The following FHL2 variants were observed in gnomAD, a reference collection of about 807,000 sequenced individuals.
The protein encoded by FHL2 is four and a half LIM domains 2, also known as four and a half LIM domains protein 2.
A neutral mutation model predicts 32.7 loss-of-function variants in FHL2; 20 were observed. The ratio of observed to expected loss-of-function variants is 0.61; its 90% CI spans 0.43 to 0.89. FHL2 has a LOEUF of 0.89. FHL2 is among the 40% of genes least tolerant of loss of function. The probability of loss-of-function intolerance (pLI) is 0.00; values close to 1 mark genes in which losing one functional copy is unlikely to be tolerated. For missense variants in FHL2, 311 were observed against 358.6 expected, an observed-to-expected ratio of 0.87 and a Z score of 1.07; for synonymous variants, 123 against 128.1, an observed-to-expected ratio of 0.96 and a Z score of 0.27.
chr2:105,402,034 T>TATATATATAC (rs1683480926), upstream of FHL2, among the ~76,000 whole-genome samples: 4 of 149,854 alleles, frequency 2.7e-5, no homozygotes, highest in South Asian at 8.4e-4. Flanking sequence ...TATACACGAA[T>TATATATATAC]ATATATATAC....
intron 1 of FHL2, among the ~76,000 whole-genome samples, chr2:105,433,963 A>G (rs906838668): frequency 3.3e-5 from 5 of 152,230 alleles, no homozygotes; most frequent in African/African-American, 1.2e-4. Context: ...TCCTTAAGTC[A>G]TTACCCACCC....
At chr2:105,417,590 A>G (rs1307445419) in intron 1 of FHL2, among the ~76,000 whole-genome samples, 5 of 150,646 alleles carry the variant, frequency 3.3e-5, no homozygotes, top group Admixed American at 1.3e-4. Flanking sequence ...AGGCTGAGGC[A>G]GAAGAACTGC....
chr2:105,371,575 T>TCTCTCC, intron 4 of FHL2, among the ~76,000 whole-genome samples: 1 of 151,662 alleles, frequency 6.6e-6, no homozygotes, highest in South Asian at 2.1e-4. Context: ...TCTCTCTCTC[T>TCTCTCC]CCTTATGTAT....
chr2:105,422,778 G>C (rs1684143529), intron 1 of FHL2, among the ~76,000 whole-genome samples: 1 of 151,846 alleles, frequency 6.6e-6, no homozygotes. Context: ...TTGATTACTT[G>C]ATTGAGAAAA....
chr2:105,367,081 A>T (rs1680689253), intron 5 of FHL2, among the ~76,000 whole-genome samples: 1 of 152,160 alleles, frequency 6.6e-6, no homozygotes, highest in Non-Finnish European at 1.5e-5. Context: ...GCCAGAGTAG[A>T]TACATTTAAT....
At chr2:105,433,851 C>T (rs1445134292) in intron 1 of FHL2, among the ~76,000 whole-genome samples, 1 of 151,974 alleles carries the variant, frequency 6.6e-6, no homozygotes. Context: ...TCTTTTTTCC[C>T]CTTTTACTTT....
chr2:105,412,578 C>T (rs1397521520), intron 1 of FHL2, among the ~76,000 whole-genome samples: 1 of 152,130 alleles, frequency 6.6e-6, no homozygotes, highest in Non-Finnish European at 1.5e-5. Context: ...ACCAGTAGAG[C>T]AAAAGAGCAA....
At chr2:105,379,996 T>A (rs1681763809) in intron 3 of FHL2, among the ~76,000 whole-genome samples, 1 of 152,202 alleles carries the variant, frequency 6.6e-6, no homozygotes, top group Non-Finnish European at 1.5e-5. Flanking sequence ...GCGCCCAGTT[T>A]GTGTTGTCTT....
intron 1 of FHL2, among the ~76,000 whole-genome samples, chr2:105,421,154 A>G (rs1684093006): frequency 6.6e-6 from 1 of 152,212 alleles, no homozygotes; most frequent in Non-Finnish European, 1.5e-5. Flanking sequence ...AGGTAATCCA[A>G]TGGGAAGAAA....
intron 1 of FHL2, among the ~76,000 whole-genome samples, chr2:105,418,481 C>CA (rs1252722909): frequency 2.0e-5 from 3 of 152,074 alleles, no homozygotes; most frequent in Non-Finnish European, 4.4e-5. Flanking sequence ...GTCAGAGTTG[C>CA]ACATTTCATG....
At chr2:105,398,276 T>G (rs1683279265) in intron 1 of FHL2, among the ~76,000 whole-genome samples, 2 of 149,006 alleles carry the variant, frequency 1.3e-5, no homozygotes, top group South Asian at 4.3e-4. Flanking sequence ...ATCACACGAG[T>G]GCGACTTAAG....
At position 105,396,671 on chromosome 2, in the gene FHL2, T is replaced by C. The variant is rs773177532; in HGVS notation, c.-49A>G. 2 of 1,612,590 alleles carry C rather than the reference T, an allele frequency of 1.2e-6. No homozygotes were observed. The highest frequency in any genetic ancestry group is 1.1e-5 in the South Asian group (1 of 91,050). On this transcript the variant is annotated 5_prime_UTR_variant, in exon 2 of 7. Coordinates refer to ENST00000530340, the MANE Select transcript of FHL2 (RefSeq NM_001318895.3). The stretch of plus-strand genomic sequence containing the variant: ...CCCCAAAGTCAAAATGCCAGCCTAG[T>C]CTCCAGGAAGACACAGTTCTCAGCC...
At chr2:105,437,629 T>A (rs1684653903) in intron 1 of FHL2, among the ~76,000 whole-genome samples, 1 of 152,326 alleles carries the variant, frequency 6.6e-6, no homozygotes, top group East Asian at 1.9e-4. Flanking sequence ...ACTTTATTTT[T>A]CTTTTTAGAT....
intron 1 of FHL2, among the ~76,000 whole-genome samples, chr2:105,434,800 G>T (rs987195313): frequency 2.0e-5 from 3 of 151,642 alleles, no homozygotes; most frequent in Non-Finnish European, 4.4e-5. Flanking sequence ...TTTAAATGGG[G>T]TCTTGATCTC....
At chr2:105,409,165 C>T (rs1428962833) in intron 1 of FHL2, among the ~76,000 whole-genome samples, 3 of 152,070 alleles carry the variant, frequency 2.0e-5, no homozygotes, top group African/African-American at 7.2e-5. Context: ...AAAAGGAGAC[C>T]CTCTGCAGGA....
intron 3 of FHL2, among the ~76,000 whole-genome samples, chr2:105,383,153 T>A (rs1453196918): frequency 1.3e-5 from 2 of 152,254 alleles, no homozygotes; most frequent in African/African-American, 4.8e-5. Context: ...CCCAAAGTGC[T>A]GGAATTACAG....
intron 3 of FHL2, 60 bp from the exon 4 acceptor site, chr2:105,373,793 C>T: frequency 6.4e-7 from 1 of 1,573,772 alleles, no homozygotes. Flanking sequence ...GGACCCACAG[C>T]ATAGGGGCCC....
chr2:105,375,245 C>T (rs6543286), intron 3 of FHL2: 66,558 of 152,008 alleles, frequency 0.44, 15,377 homozygotes, highest in African/African-American at 0.58. Flanking sequence ...GATCTCTTTG[C>T]GCATTTTGTT....
intron 4 of FHL2, among the ~76,000 whole-genome samples, chr2:105,370,082 A>G (rs747657485): frequency 3.9e-5 from 6 of 152,206 alleles, no homozygotes; most frequent in Non-Finnish European, 8.8e-5. Context: ...TGATTCAAAT[A>G]GTCAAATGAG....
Sources: gnomAD v4.1 joint callset for allele counts (sites outside exome capture counted in the v4.1 genomes callset) on GRCh38, gnomAD v4.1.1 for gene constraint, MANE v1.5 for transcripts, NCBI Gene and HGNC (gene_info 2026-07-23, HGNC 2026-07-21) for gene names.